SP140: variants seen among roughly 807,000 people sequenced by gnomAD.
SP140 encodes the protein SP140 nuclear body protein.
SP140 carries 81 observed loss-of-function variants against 125.0 expected under a neutral mutation model. The ratio of observed to expected loss-of-function variants is 0.65; its 90% CI spans 0.54 to 0.78. The LOEUF (loss-of-function observed/expected upper bound fraction) is 0.78, where lower values mean the gene tolerates loss of function less well. SP140 is among the 30% of genes least tolerant of loss of function. The pLI is 0.00. For missense variants in SP140, 858 were observed against 1,037.0 expected, an observed-to-expected ratio of 0.83 and a Z score of 2.37; for synonymous variants, 312 against 354.0, an observed-to-expected ratio of 0.88 and a Z score of 1.33.
chr2:230,233,528 A>T (rs557299447), intron 1 of SP140, among the ~76,000 whole-genome samples: 1 of 152,188 alleles, frequency 6.6e-6, no homozygotes, highest in Non-Finnish European at 1.5e-5. Context: ...TTATATTTTT[A>T]AAAATTATCG....
rs185845765 is a variant in SP140 at position 230,239,418 on chromosome 2, A to G, written c.406+1037A>G. 2.0e-4 allele frequency among the ~76,000 whole-genome samples: 30 copies of G among 152,198 alleles called. 1 individual carries two copies. The East Asian group carries it at 5.8e-3, about 29-fold the overall frequency. On this transcript the variant is annotated intron_variant, in intron 3 of 26. Coordinates refer to ENST00000392045, the MANE Select transcript of SP140 (RefSeq NM_007237.5). ...AAATAGTTGTTAAATTGTATTTTTCATTTGATTATTTTTAATTTTTGTATT... is the reference window on the plus strand; with the variant it reads ...AAATAGTTGTTAAATTGTATTTTTCGTTTGATTATTTTTAATTTTTGTATT...
At chr2:230,248,092 T>C in intron 8 of SP140, 27 bp downstream of exon 8, 3 of 1,608,454 alleles carry the variant, frequency 1.9e-6, no homozygotes, top group Non-Finnish European at 2.5e-6. Flanking sequence ...CAGAGACATG[T>C]GTCAAGGGTG....
chr2:230,309,825 T>C (rs2059163528), intron 22 of SP140, 99 bp from the exon 23 acceptor site: 1 of 1,213,652 alleles, frequency 8.2e-7, no homozygotes, highest in Admixed American at 1.8e-5. Context: ...TGCCTGTCCA[T>C]GCAGGTTCAC....
rs761740551 is a variant in SP140 at position 230,309,396 on chromosome 2, C to T, written c.2059-528C>T. Among the ~76,000 whole-genome samples the T allele has an allele frequency of 4.6e-5, 7 of 152,186 alleles. No homozygotes were observed. In the East Asian group the frequency reaches 7.7e-4, roughly 17 times the overall value. ...CCCACGGTCCTTCCCCCTCAGAGGT[C>T]GGCGTAGAGCCCTCCAGGCACAAAA... On this transcript the variant is annotated intron_variant, in intron 22 of 26. Transcript: ENST00000392045.
At chr2:230,229,378 C>A (rs930162426) in intron 1 of SP140, among the ~76,000 whole-genome samples, 1 of 147,578 alleles carries the variant, frequency 6.8e-6, no homozygotes, top group Non-Finnish European at 1.5e-5. Flanking sequence ...GCATTTATTT[C>A]TTCTCTGGTG....
chr2:230,216,252 G>A (rs2045163927), intron 3 of SP140, among the ~76,000 whole-genome samples: 1 of 152,216 alleles, frequency 6.6e-6, no homozygotes, highest in South Asian at 2.1e-4. Flanking sequence ...TGTCTTTGCA[G>A]TTGTAATTAA....
intron 3 of SP140, chr2:230,214,953 G>C: frequency 6.2e-7 from 1 of 1,613,612 alleles, no homozygotes; most frequent in Admixed American, 1.7e-5. Context: ...TCATTACCAC[G>C]TTTGAAGCTT....
chr2:230,207,398 G>A (rs893880584), intron 1 of SP140, among the ~76,000 whole-genome samples: 2 of 152,110 alleles, frequency 1.3e-5, no homozygotes, highest in African/African-American at 4.8e-5. Flanking sequence ...TTGTGTTCCT[G>A]CAGCACTCAT....
At chr2:230,286,102 T>C (rs1202330372) in intron 17 of SP140, among the ~76,000 whole-genome samples, 1 of 152,234 alleles carries the variant, frequency 6.6e-6, no homozygotes, top group Non-Finnish European at 1.5e-5. Context: ...AAATCATTGT[T>C]TTATTAAAAT....
At chr2:230,238,576 C>T (rs887924196) in intron 3 of SP140, 195 bp downstream of exon 3, 10 of 746,982 alleles carry the variant, frequency 1.3e-5, no homozygotes, top group South Asian at 9.4e-5. Flanking sequence ...GAGTGACAGA[C>T]GTTAACCAAG....
chr2:230,244,923 C>A (rs2049209394), intron 5 of SP140, 65 bp from the exon 6 acceptor site: 2 of 1,154,298 alleles, frequency 1.7e-6, no homozygotes, highest in African/African-American at 3.1e-5. Context: ...GAGTGCTGAA[C>A]ACCAGGATTC....
chr2:230,196,788 C>T, the SP140 span, among the ~76,000 whole-genome samples: 1 of 151,554 alleles, frequency 6.6e-6, no homozygotes, highest in Non-Finnish European at 1.5e-5. Context: ...TGAGAACATG[C>T]AGTGTTTGGT....
chr2:230,216,997 GCA>G, intron 3 of SP140: 1 of 1,438,990 alleles, frequency 6.9e-7, no homozygotes, highest in Non-Finnish European at 9.5e-7. Flanking sequence ...TGTAATCCCG[GCA>G]CTTTGGGAGG....
At position 230,248,004 on chromosome 2, in the gene SP140, T is replaced by A; in HGVS notation, c.831T>A (p.Ser277Arg). ...AGGGAGAGGAGGAAGGCAGGAACAG[T>A]CCCAGAAAAAGAAACCAAGACAAGG... ...EKQGEEEGRN[S>R]PRKRNQDKEK... Residue 277 changes from serine to arginine, a missense_variant, in exon 8 of 27, where the codon AGT (serine) becomes AGA (arginine). Physicochemically the swap from Ser to Arg is moderately radical, Grantham distance 110. Around this residue, in one of 4 missense-constraint regions of SP140, gnomAD observed 791 missense variants for 869.5 expected, o/e 0.91. Transcript: ENST00000392045. 1 of 1,613,194 alleles carries A rather than the reference T, an allele frequency of 6.2e-7. No homozygotes were observed. The highest frequency in any genetic ancestry group is 1.1e-5 in the South Asian group (1 of 91,052).
At chr2:230,217,154 G>T (rs1319011389) in intron 3 of SP140, among the ~76,000 whole-genome samples, 1 of 144,828 alleles carries the variant, frequency 6.9e-6, no homozygotes, top group Non-Finnish European at 1.5e-5. Flanking sequence ...GCTGAGGCGG[G>T]AAAATTGCTT....
chr2:230,204,002 A>ATG (rs2043477916), intron 1 of SP140, among the ~76,000 whole-genome samples: 1 of 152,162 alleles, frequency 6.6e-6, no homozygotes, highest in Non-Finnish European at 1.5e-5. Context: ...ATTTTATGTC[A>ATG]TGTGTATTTT....
chr2:230,274,667 C>T (rs4973305), intron 15 of SP140, among the ~76,000 whole-genome samples: 13,591 of 152,004 alleles, frequency 0.089, 818 homozygotes, highest in Middle Eastern at 0.12. Flanking sequence ...AGCAGCAATA[C>T]CTTTTGTAAG....
chr2:230,226,350 C>T (rs1482322392), intron 1 of SP140, among the ~76,000 whole-genome samples: 1 of 152,192 alleles, frequency 6.6e-6, no homozygotes, highest in East Asian at 1.9e-4. Context: ...CGGTTCTGCT[C>T]TGAGCCCATC....
intron 1 of SP140, among the ~76,000 whole-genome samples, chr2:230,205,687 TTAGAA>T (rs1250251710): frequency 6.6e-6 from 1 of 152,228 alleles, no homozygotes; most frequent in East Asian, 1.9e-4. Flanking sequence ...TGAATGGTAC[TTAGAA>T]GACTAGGTTT....
Sources: allele counts gnomAD v4.1 joint callset (sites outside exome capture counted in the v4.1 genomes callset), GRCh38; gene constraint gnomAD v4.1.1; regional missense constraint gnomAD v4.1.1; transcripts MANE v1.5; gene names NCBI Gene and HGNC (gene_info 2026-07-23, HGNC 2026-07-21).